The following NOL4L variants were observed in gnomAD, a reference collection of about 807,000 sequenced individuals.
NOL4L encodes the protein nucleolar protein 4 like.
A neutral mutation model predicts 64.5 loss-of-function variants in NOL4L; 7 were observed. The ratio of observed to expected loss-of-function variants is 0.11; its 90% CI spans 0.06 to 0.20. The LOEUF (loss-of-function observed/expected upper bound fraction) is 0.20, where lower values mean the gene tolerates loss of function less well. NOL4L is among the 10% of genes least tolerant of loss of function. The probability of loss-of-function intolerance (pLI) is 1.00; values close to 1 mark genes in which losing one functional copy is unlikely to be tolerated. For missense variants in NOL4L, 680 were observed against 967.1 expected, an observed-to-expected ratio of 0.70 and a Z score of 3.94; for synonymous variants, 413 against 401.0, an observed-to-expected ratio of 1.03 and a Z score of -0.36.
At chr20:32,523,896 C>T (rs1390142273) in intron 2 of NOL4L, among the ~76,000 whole-genome samples, 1 of 152,158 alleles carries the variant, frequency 6.6e-6, no homozygotes, top group Non-Finnish European at 1.5e-5. Context: ...ATTTCACTCC[C>T]CAACTCAGAG....
At chr20:32,493,808 C>T (rs540187489) in intron 4 of NOL4L, among the ~76,000 whole-genome samples, 4 of 152,032 alleles carry the variant, frequency 2.6e-5, no homozygotes, top group African/African-American at 2.4e-5. Context: ...CATGTGGAGC[C>T]GATGGTGCTG....
chr20:32,481,241 C>T (rs1449293992), intron 4 of NOL4L, among the ~76,000 whole-genome samples: 1 of 152,210 alleles, frequency 6.6e-6, no homozygotes, highest in Non-Finnish European at 1.5e-5. Context: ...TGGCTGCTCC[C>T]CATCAGCATT....
chr20:32,539,079 C>T (rs2018609585), intron 1 of NOL4L, among the ~76,000 whole-genome samples: 1 of 152,138 alleles, frequency 6.6e-6, no homozygotes, highest in Non-Finnish European at 1.5e-5. Context: ...CGTTGGGAGA[C>T]TCAGTTTCTT....
chr20:32,539,555 C>G (rs957527685), intron 1 of NOL4L, among the ~76,000 whole-genome samples: 1 of 152,238 alleles, frequency 6.6e-6, no homozygotes, highest in East Asian at 1.9e-4. Flanking sequence ...TGCAGCCTCA[C>G]TGCTGTCTGC....
chr20:32,526,496 T>C (rs927078736), intron 2 of NOL4L, among the ~76,000 whole-genome samples: 2 of 146,162 alleles, frequency 1.4e-5, no homozygotes, highest in African/African-American at 5.2e-5. Context: ...AACCGGATGG[T>C]TGCATTAAAA....
In NOL4L at chr20:32,476,180, C is replaced by T. The variant is rs576893575; in HGVS notation, c.700-1438G>A. Among the ~76,000 whole-genome samples, 3 of 145,678 alleles carry T rather than the reference C, an allele frequency of 2.1e-5. No individual in the cohort carries two copies. In the Admixed American group the frequency reaches 2.2e-4, roughly 11 times the overall value. On this transcript the variant is annotated intron_variant, in intron 4 of 10. Coordinates refer to ENST00000621426, the MANE Select transcript of NOL4L (RefSeq NM_001256798.2). ...CCCACAGCCCTCCTTCGTGAAAACT[C>T]GCTCACACACCCGGAGGGACACACA...
At chr20:32,482,993 C>G (rs1234185280) in intron 4 of NOL4L, among the ~76,000 whole-genome samples, 1 of 151,552 alleles carries the variant, frequency 6.6e-6, no homozygotes, top group Non-Finnish European at 1.5e-5. Flanking sequence ...ATCACCGCCC[C>G]CCAGGACCCG....
At chr20:32,481,618 G>A (rs2145495048) in intron 4 of NOL4L, among the ~76,000 whole-genome samples, 1 of 152,312 alleles carries the variant, frequency 6.6e-6, no homozygotes, top group Middle Eastern at 3.4e-3. Flanking sequence ...GAATAGGGTG[G>A]TGTCGCCCAG....
intron 1 of NOL4L, among the ~76,000 whole-genome samples, chr20:32,584,271 G>C (rs957624770): frequency 6.6e-6 from 1 of 151,222 alleles, no homozygotes; most frequent in Admixed American, 6.6e-5. Context: ...CCTGCTGGCG[G>C]GGGGAGGGGA....
intron 1 of NOL4L, among the ~76,000 whole-genome samples, chr20:32,551,991 T>C (rs1358320944): frequency 1.3e-5 from 2 of 151,864 alleles, no homozygotes; most frequent in East Asian, 1.9e-4. Context: ...GGTCTGGCTA[T>C]ATTGCACAGG....
rs138501318 is a variant in NOL4L at position 32,488,647 on chromosome 20, C to A, written c.700-13905G>T. Among the ~76,000 whole-genome samples, 804 of 152,284 alleles carry A rather than the reference C, an allele frequency of 5.3e-3. 12 individuals carry two copies. The highest frequency in any genetic ancestry group is 0.018 in the African/African-American group (728 of 41,546). On this transcript the variant is annotated intron_variant, in intron 4 of 10. Transcript: ENST00000621426. ...GAGGAAGAACAGTGTCTCTTATTTT[C>A]CTTTGCTCCTCTTCACTTGGGAATG...
At chr20:32,534,908 G>T (rs1445591062) in intron 1 of NOL4L, among the ~76,000 whole-genome samples, 1 of 149,984 alleles carries the variant, frequency 6.7e-6, no homozygotes, top group Non-Finnish European at 1.5e-5. Context: ...AAGTCAGCCA[G>T]AACTGGAGTT....
chr20:32,512,478 C>T (rs549775572), intron 3 of NOL4L, among the ~76,000 whole-genome samples: 47 of 152,328 alleles, frequency 3.1e-4, no homozygotes, highest in African/African-American at 1.1e-3. Flanking sequence ...GAACATTCTC[C>T]TCCCATTTAT....
intron 1 of NOL4L, among the ~76,000 whole-genome samples, chr20:32,563,517 C>G (rs1375147376): frequency 6.6e-6 from 1 of 152,030 alleles, no homozygotes; most frequent in African/African-American, 2.4e-5. Flanking sequence ...GCCTGCGCTG[C>G]TCAGGTGACG....
At chr20:32,539,278 C>T (rs935892489) in intron 1 of NOL4L, among the ~76,000 whole-genome samples, 1 of 152,186 alleles carries the variant, frequency 6.6e-6, no homozygotes, top group African/African-American at 2.4e-5. Context: ...GAGTGAATTC[C>T]TCAATCGAGC....
intron 5 of NOL4L, among the ~76,000 whole-genome samples, chr20:32,470,343 G>A (rs534315571): frequency 6.6e-5 from 10 of 152,364 alleles, no homozygotes; most frequent in Non-Finnish European, 8.8e-5. Flanking sequence ...TGCAGGAGGC[G>A]CACTGGCTCA....
At position 32,452,876 on chromosome 20, in the gene NOL4L, G is replaced by T. The variant is rs1444091801; in HGVS notation, c.1620+8C>A. The T allele has an allele frequency of 6.2e-7, 1 of 1,613,604 alleles. No homozygotes were observed. Among genetic ancestry groups the T allele is most frequent in the Admixed American group, 1.7e-5 (1 of 60,022 alleles). ...AGCGGCCCCTGTAGTGGCTGCGGTGGCAGGTACCTGTGAGGACTGGTAGAT... is the reference window on the plus strand; with the variant it reads ...AGCGGCCCCTGTAGTGGCTGCGGTGTCAGGTACCTGTGAGGACTGGTAGAT... On this transcript the variant is annotated splice_region_variant and intron_variant, in intron 9 of 10. Coordinates refer to ENST00000621426, the MANE Select transcript of NOL4L (RefSeq NM_001256798.2).
At chr20:32,562,020 C>G (rs1386625193) in intron 1 of NOL4L, among the ~76,000 whole-genome samples, 1 of 152,044 alleles carries the variant, frequency 6.6e-6, no homozygotes, top group Admixed American at 6.6e-5. Context: ...AATAAAATAT[C>G]TAGCATATAG....
intron 1 of NOL4L, among the ~76,000 whole-genome samples, chr20:32,571,956 G>A (rs1180686766): frequency 6.6e-6 from 1 of 152,194 alleles, no homozygotes; most frequent in Non-Finnish European, 1.5e-5. Flanking sequence ...GGATCCCTGA[G>A]GGTGAACCCT....
Sources: gnomAD v4.1 joint callset for allele counts (sites outside exome capture counted in the v4.1 genomes callset) on GRCh38, gnomAD v4.1.1 for gene constraint, MANE v1.5 for transcripts, NCBI Gene and HGNC (gene_info 2026-07-23, HGNC 2026-07-21) for gene names.